LRRC9: variants seen among roughly 807,000 people sequenced by gnomAD.
The protein encoded by LRRC9 is leucine rich repeat containing 9.
Under a neutral mutation model 63.2 loss-of-function variants are expected in LRRC9, and 122 were observed. The ratio of observed to expected loss-of-function variants is 1.93; its 90% confidence interval spans 1.67 to 2.24. LRRC9 has a LOEUF of 2.24. Ranked by LOEUF, LRRC9 falls within the 30% of genes most tolerant of loss-of-function variation. LRRC9 has a pLI of 0.00. For synonymous variants in LRRC9, 366 were observed against 213.1 expected, an observed-to-expected ratio of 1.72 and a Z score of -6.25; for missense variants, 1,071 against 627.7, an observed-to-expected ratio of 1.71 and a Z score of -7.55.
At chr14:60,043,353 G>A (rs572423698) in intron 29 of LRRC9, among the ~76,000 whole-genome samples, 1 of 152,100 alleles carries the variant, frequency 6.6e-6, no homozygotes, top group African/African-American at 2.4e-5. Context: ...CAGTAAAAGT[G>A]GGCATTCTTG....
At chr14:59,965,353 C>T (rs1182467115) in intron 10 of LRRC9, among the ~76,000 whole-genome samples, 1 of 152,178 alleles carries the variant, frequency 6.6e-6, no homozygotes, top group East Asian at 1.9e-4. Flanking sequence ...CATTCCTTAC[C>T]CCAAGCTTCT....
At chr14:59,949,252 C>T (rs528936221) in intron 8 of LRRC9, among the ~76,000 whole-genome samples, 1 of 152,184 alleles carries the variant, frequency 6.6e-6, no homozygotes, top group East Asian at 1.9e-4. Context: ...GTGTATGTGT[C>T]GAGGAATTTA....
chr14:60,002,630 TTAG>T (rs1449843296), intron 20 of LRRC9, among the ~76,000 whole-genome samples: 3 of 152,160 alleles, frequency 2.0e-5, no homozygotes, highest in African/African-American at 7.2e-5. Flanking sequence ...ATTGTTATTA[TTAG>T]TAAAAAGTAA....
chr14:59,936,208 AATG>A lies in LRRC9; in HGVS notation c.544-2176_544-2174del, dbSNP rs951025766. Among the ~76,000 whole-genome samples, 2 of 152,308 alleles carry A rather than the reference AATG, an allele frequency of 1.3e-5. No individual in the cohort carries two copies. The highest frequency in any genetic ancestry group is 2.4e-5 in the African/African-American group (1 of 41,564). On this transcript the variant is annotated intron_variant, in intron 6 of 31. Coordinates refer to ENST00000445360, the Ensembl canonical transcript of LRRC9. This position sits in a 1 kb window ranked among gnomAD's most constrained non-coding sequence, Gnocchi z 4.2. ...TGTATTTCAGTATCTTCATTTTAAAAATGATGATAGCAGGATTATTATAAAAAT... is the reference window on the plus strand; with the variant it reads ...TGTATTTCAGTATCTTCATTTTAAAAATGATAGCAGGATTATTATAAAAAT...
rs1196855504 is a variant in LRRC9 at position 59,990,418 on chromosome 14, T to C, written c.2211+5194T>C. On this transcript the variant is annotated intron_variant, in intron 17 of 31. Transcript: ENST00000445360. This position sits in a 1 kb window ranked among gnomAD's most constrained non-coding sequence, Gnocchi z 4.2. ...TTTCTTTTTTCTTTTTCTTTTTTCA[T>C]TTTTAGACAGGGTCTCACTCTGTCA... Among the ~76,000 whole-genome samples the C allele has an allele frequency of 6.6e-6, 1 of 152,084 alleles. No individual in the cohort carries two copies. Among genetic ancestry groups the C allele is most frequent in the Non-Finnish European group, 1.5e-5 (1 of 68,016 alleles).
Position 59,985,231 on chromosome 14 carries a change from AT to A in LRRC9, c.2211+9del, listed in dbSNP as rs1333467321. ...AGATGATGTATACCACTTGGTAAGA[AT>A]TGTTCCTTTGAATCTAAAAAAGTGA... On this transcript the variant is annotated splice_region_variant and intron_variant, in intron 17 of 31. Coordinates refer to ENST00000445360, the Ensembl canonical transcript of LRRC9. The A allele has an allele frequency of 8.0e-6, 5 of 624,738 alleles. No homozygotes were observed. The highest frequency in any genetic ancestry group is 1.8e-5 in the African/African-American group (1 of 55,326). The allele number at this position is 624,738 out of a possible 1,614,324, so 38.7% of individuals were successfully genotyped here.
chr14:59,958,305 T>A lies in LRRC9; in HGVS notation c.883-1513T>A, dbSNP rs1263348526. 2.0e-5 allele frequency among the ~76,000 whole-genome samples: 3 copies of A among 152,198 alleles called. No homozygotes were observed. Among genetic ancestry groups the A allele is most frequent in the Non-Finnish European group, 1.5e-5 (1 of 68,012 alleles). The stretch of plus-strand genomic sequence containing the variant: ...GTGGGGTTTTTGTGTGTAAACCCCT[T>A]ACTGGGGCTGTTACCTTTCCTTGAG... On this transcript the variant is annotated intron_variant, in intron 8 of 31. Transcript: ENST00000445360. The surrounding 1 kb of genome is among the most constrained non-coding windows in gnomAD (Gnocchi z 4.0).
intron 27 of LRRC9, among the ~76,000 whole-genome samples, chr14:60,024,816 AC>A (rs978045777): frequency 3.3e-5 from 5 of 150,724 alleles, no homozygotes; most frequent in African/African-American, 1.2e-4. Flanking sequence ...TTCAACCCTC[AC>A]CCCCCTCCCA....
chr14:59,992,221 G>A (rs1020044523), intron 17 of LRRC9, among the ~76,000 whole-genome samples: 11 of 152,184 alleles, frequency 7.2e-5, no homozygotes, highest in Non-Finnish European at 1.2e-4. Flanking sequence ...TGGACCTCCA[G>A]CAAATTCCAA....
intron 10 of LRRC9, among the ~76,000 whole-genome samples, chr14:59,965,640 C>CTT (rs371137167): frequency 0.014 from 2,095 of 151,908 alleles, 45 homozygotes; most frequent in East Asian, 0.057. Flanking sequence ...AATCCCAGCA[C>CTT]TGGGAGGCCG....
chr14:60,063,682 T>C (rs1781826239), downstream of LRRC9: 1 of 267,288 alleles, frequency 3.7e-6, no homozygotes, highest in Non-Finnish European at 7.0e-6. Flanking sequence ...ACTGAATGCT[T>C]AGTTCTAGTA....
chr14:59,987,558 G>A (rs928439802), intron 17 of LRRC9, among the ~76,000 whole-genome samples: 3 of 151,280 alleles, frequency 2.0e-5, no homozygotes, highest in African/African-American at 7.3e-5. Context: ...GTTTCCAGCA[G>A]CCTGGGATTT....
chr14:60,007,841 A>G (rs1375002461), intron 22 of LRRC9, among the ~76,000 whole-genome samples: 1 of 151,410 alleles, frequency 6.6e-6, no homozygotes, highest in Non-Finnish European at 1.5e-5. Flanking sequence ...TTGGGAGGCC[A>G]TGGTGGGAGA....
chr14:59,979,773 C>T (rs1886726700), intron 15 of LRRC9, among the ~76,000 whole-genome samples: 1 of 138,202 alleles, frequency 7.2e-6, no homozygotes, highest in Non-Finnish European at 1.5e-5. Flanking sequence ...ACAATGAGAA[C>T]ACATGGACAC....
Position 59,923,767 on chromosome 14 carries a change from C to T in LRRC9, c.-34+3884C>T, listed in dbSNP as rs1015232689. ...CATCCTGGCTAACACGGTGAAACCCCGTCTCTACTAAAAATACAAAAAAAT... is the reference window on the plus strand; with the variant it reads ...CATCCTGGCTAACACGGTGAAACCCTGTCTCTACTAAAAATACAAAAAAAT... On this transcript the variant is annotated intron_variant, in intron 1 of 31. Coordinates refer to ENST00000445360, the Ensembl canonical transcript of LRRC9. This position sits in a 1 kb window ranked among gnomAD's most constrained non-coding sequence, Gnocchi z 4.2. 6.6e-6 allele frequency among the ~76,000 whole-genome samples: 1 copy of T among 152,100 alleles called. No homozygotes were observed. Among genetic ancestry groups the T allele is most frequent in the Non-Finnish European group, 1.5e-5 (1 of 68,010 alleles).
chr14:60,008,212 A>G, exon 23 of LRRC9: 1 of 698,200 alleles, frequency 1.4e-6, no homozygotes, highest in Non-Finnish European at 2.6e-6. Flanking sequence ...TGGGATACCA[A>G]TTGTAAGTTG....
At chr14:60,043,621 G>A (rs1893142035) in intron 29 of LRRC9, among the ~76,000 whole-genome samples, 1 of 152,078 alleles carries the variant, frequency 6.6e-6, no homozygotes, top group South Asian at 2.1e-4. Flanking sequence ...AGCCATCCTT[G>A]CATCCCTGAG....
At chr14:59,928,564 A>G (rs1322766324) in intron 3 of LRRC9, 78 bp downstream of exon 3, 1 of 528,474 alleles carries the variant, frequency 1.9e-6, no homozygotes, top group African/African-American at 2.0e-5. Flanking sequence ...TCATTGAAAT[A>G]TATGCATAAG....
rs117806070 is a variant in LRRC9, at chr14:60,045,738, C to T, written c.3991-7327C>T. On this transcript the variant is annotated intron_variant, in intron 29 of 31. Transcript: ENST00000445360. ...TGAATAGTGCTGCAGTAAACAAACG[C>T]GTTCATGTATCTTTCTAATAGAATG... Among the ~76,000 whole-genome samples, 520 of 152,130 alleles carry T rather than the reference C, an allele frequency of 3.4e-3. 17 individuals are homozygous for T. The East Asian group carries it at 0.058, about 17-fold the overall frequency.
Sources: allele counts gnomAD v4.1 joint callset (sites outside exome capture counted in the v4.1 genomes callset), GRCh38; gene constraint gnomAD v4.1.1; non-coding constraint Gnocchi (gnomAD v3.1); transcripts MANE v1.5; gene names NCBI Gene and HGNC (gene_info 2026-07-23, HGNC 2026-07-21).